SREBF2: variants seen among roughly 807,000 people sequenced by gnomAD.
SREBF2 encodes sterol regulatory element binding transcription factor 2.
SREBF2 carries 55 observed loss-of-function variants against 113.1 expected under a neutral mutation model. That is an observed-to-expected ratio of 0.49 (90% CI 0.39 to 0.61). The LOEUF (loss-of-function observed/expected upper bound fraction) is 0.61, where lower values mean the gene tolerates loss of function less well. Ranked by LOEUF, SREBF2 falls within the 20% of genes least tolerant of loss-of-function variation. SREBF2 has a pLI of 0.00. For synonymous variants in SREBF2, 593 were observed against 605.7 expected, an observed-to-expected ratio of 0.98 and a Z score of 0.31; for missense variants, 1,349 against 1,487.4, an observed-to-expected ratio of 0.91 and a Z score of 1.53.
chr22:41,906,706 C>T lies in SREBF2; in HGVS notation c.*1046C>T, dbSNP rs1450522237. ...TGAGGCATATCTGTATATATTTAAA[C>T]CTAATTAATTCTTGAGCTGAAAATA... On this transcript the variant is annotated 3_prime_UTR_variant, in exon 19 of 19. Transcript: ENST00000361204. The T allele has an allele frequency of 6.6e-6, 1 of 152,154 alleles. No individual in the cohort carries two copies. Among genetic ancestry groups the T allele is most frequent in the African/African-American group, 2.4e-5 (1 of 41,410 alleles). 9.4% of individuals were successfully genotyped at this position (152,154 alleles called of 1,614,324 possible).
chr22:41,898,998 G>A, intron 15 of SREBF2: 1 of 709,740 alleles, frequency 1.4e-6, no homozygotes, highest in Non-Finnish European at 2.3e-6. Context: ...CAACACGACA[G>A]TTGTCCCAGC....
chr22:41,871,062 C>T lies in SREBF2; in HGVS notation c.867+27C>T, dbSNP rs1168855469. The T allele has an allele frequency of 1.9e-6, 3 of 1,613,630 alleles. No individual in the cohort carries two copies. In the South Asian group the frequency reaches 3.3e-5, roughly 18 times the overall value. On this transcript the variant is annotated intron_variant, in intron 4 of 18. Coordinates refer to ENST00000361204, the MANE Select transcript of SREBF2 (RefSeq NM_004599.4). The stretch of plus-strand genomic sequence containing the variant: ...TAAGAGCTGCCTTCTCCCCCACCCT[C>T]CTCCCTCCCCCTTTATTCCTGGAGG...
intron 10 of SREBF2, 56 bp from the exon 11 acceptor site, chr22:41,884,786 A>C: frequency 6.2e-7 from 1 of 1,603,796 alleles, no homozygotes; most frequent in Non-Finnish European, 8.5e-7. Context: ...AGAGAGCAGG[A>C]AAAAGTTTGG....
Position 41,866,910 on chromosome 22 carries a change from C to CAGTGGTGGT in SREBF2, c.175_183dup (p.Gly59_Gly61dup), listed in dbSNP as rs748545963. 6 of 1,614,112 alleles carry CAGTGGTGGT rather than the reference C, an allele frequency of 3.7e-6. No homozygotes were observed. The African/African-American group carries it at 8.0e-5, about 22-fold the overall frequency. ...AACAGCTGTGTAGCTCCTTTCCTGG[C>CAGTGGTGGT]AGTGGTGGTAGTGGTAGCAGCAGCG... is the stretch of plus-strand genomic sequence containing the variant. On this transcript the variant is annotated inframe_insertion, in exon 2 of 19. Coordinates refer to ENST00000361204, the MANE Select transcript of SREBF2 (RefSeq NM_004599.4).
intron 8 of SREBF2, among the ~76,000 whole-genome samples, chr22:41,877,671 G>C (rs1285973398): frequency 6.6e-6 from 1 of 152,198 alleles, no homozygotes; most frequent in Non-Finnish European, 1.5e-5. Context: ...GGGTGGAGGG[G>C]TGGTACCTAT....
intron 1 of SREBF2, among the ~76,000 whole-genome samples, chr22:41,848,071 A>G (rs967462191): frequency 1.3e-5 from 2 of 151,660 alleles, no homozygotes; most frequent in African/African-American, 4.8e-5. Context: ...GCCCGCCACC[A>G]CGCCCAGCTA....
intron 13 of SREBF2, among the ~76,000 whole-genome samples, chr22:41,895,967 C>A (rs1227545307): frequency 6.6e-6 from 1 of 151,908 alleles, no homozygotes; most frequent in Non-Finnish European, 1.5e-5. Context: ...CACGGTGAAA[C>A]CCCGTCTACT....
chr22:41,873,126 G>A (rs1206455281), intron 4 of SREBF2, among the ~76,000 whole-genome samples: 1 of 151,510 alleles, frequency 6.6e-6, no homozygotes. Context: ...GAAGCTGGGA[G>A]GCAGAGTTTG....
chr22:41,903,068 C>A lies in SREBF2; in HGVS notation c.3006C>A (p.His1002Gln). 1 of 1,598,538 alleles carries A rather than the reference C, an allele frequency of 6.3e-7. No homozygotes were observed. Among genetic ancestry groups the A allele is most frequent in the Non-Finnish European group, 8.5e-7 (1 of 1,172,526 alleles). ...SASQAVGETY[H>Q]ASGAELAGFQ... is the part of the protein sequence containing the mutation. The stretch of plus-strand genomic sequence containing the variant: ...GCCAGGCTGTGGGGGAGACCTACCA[C>A]GCGTCAGGCGCTGAACTGGCGGGCT... The change falls in exon 17 of 19, where the codon CAC (histidine) becomes CAA (glutamine). Residue 1002 changes from histidine (H) to glutamine (Q), a missense_variant. By Grantham distance (24) the His-to-Gln change is conservative. This residue lies in a region of SREBF2 where 650 missense variants were observed against 644.1 expected (regional missense o/e 1.01). Transcript: ENST00000361204.
intron 16 of SREBF2, among the ~76,000 whole-genome samples, chr22:41,901,442 C>T (rs937669534): frequency 2.6e-5 from 4 of 152,182 alleles, no homozygotes; most frequent in African/African-American, 7.2e-5. Context: ...GGGCAGATCA[C>T]CTGAGGTCAG....
At chr22:41,851,555 G>A (rs965396021) in intron 1 of SREBF2, among the ~76,000 whole-genome samples, 1 of 151,938 alleles carries the variant, frequency 6.6e-6, no homozygotes, top group Non-Finnish European at 1.5e-5. Context: ...GTGCAATGGC[G>A]CGATCTCGCC....
At chr22:41,861,906 G>A (rs1008156803) in intron 1 of SREBF2, among the ~76,000 whole-genome samples, 1 of 151,256 alleles carries the variant, frequency 6.6e-6, no homozygotes, top group Admixed American at 6.6e-5. Context: ...GCAACAGAGC[G>A]AGACTTTGTC....
intron 1 of SREBF2, 52 bp from the exon 2 acceptor site, chr22:41,866,779 A>G (rs1461787513): frequency 6.2e-7 from 1 of 1,605,120 alleles, no homozygotes; most frequent in Non-Finnish European, 8.5e-7. Flanking sequence ...AGCAAGTTTG[A>G]AAGTTCACTT....
chr22:41,881,327 A>T (rs1385284162), intron 10 of SREBF2, among the ~76,000 whole-genome samples: 4 of 152,248 alleles, frequency 2.6e-5, no homozygotes, highest in Non-Finnish European at 4.4e-5. Flanking sequence ...TCTTAGAGTC[A>T]ATGAAATATG....
At chr22:41,855,285 G>A (rs2076967472) in intron 1 of SREBF2, among the ~76,000 whole-genome samples, 1 of 152,196 alleles carries the variant, frequency 6.6e-6, no homozygotes. Context: ...GACTTTGGGA[G>A]ACTGAGGCGA....
chr22:41,882,635 G>C (rs1162134380), intron 10 of SREBF2, among the ~76,000 whole-genome samples: 1 of 152,158 alleles, frequency 6.6e-6, no homozygotes, highest in Non-Finnish European at 1.5e-5. Flanking sequence ...GCAAAACCCT[G>C]TCTCTACTAA....
At chr22:41,859,036 G>A (rs1381211297) in intron 1 of SREBF2, among the ~76,000 whole-genome samples, 1 of 148,718 alleles carries the variant, frequency 6.7e-6, no homozygotes, top group Admixed American at 6.7e-5. Context: ...GGCAGGAGAA[G>A]TGCTTGAACC....
intron 3 of SREBF2, among the ~76,000 whole-genome samples, chr22:41,870,628 C>CAAAAA (rs133289): frequency 6.8e-4 from 38 of 56,110 alleles, no homozygotes; most frequent in Admixed American, 1.1e-3. Flanking sequence ...CCTGTCTCAG[C>CAAAAA]AAAAAAAAAA....
intron 1 of SREBF2, among the ~76,000 whole-genome samples, chr22:41,835,617 C>T (rs569818898): frequency 4.0e-5 from 6 of 149,652 alleles, no homozygotes; most frequent in Non-Finnish European, 8.9e-5. Context: ...GCCGAGCCAC[C>T]GTGCCTGGCC....
Sources: allele counts gnomAD v4.1 joint callset (sites outside exome capture counted in the v4.1 genomes callset), GRCh38; gene constraint gnomAD v4.1.1; regional missense constraint gnomAD v4.1.1; transcripts MANE v1.5; gene names NCBI Gene and HGNC (gene_info 2026-07-23, HGNC 2026-07-21).